RPL12: variants seen among roughly 807,000 people sequenced by gnomAD.
RPL12 encodes large ribosomal subunit protein uL11.
Under a neutral mutation model 24.5 loss-of-function variants are expected in RPL12, and 10 were observed. The ratio of observed to expected loss-of-function variants is 0.41; its 90% CI spans 0.25 to 0.69. The LOEUF is 0.69. RPL12 is among the 30% of genes least tolerant of loss of function. RPL12 has a pLI of 0.33. For synonymous variants in RPL12, 74 were observed against 76.1 expected (o/e 0.97, Z 0.14); for missense variants, 137 against 205.3 (o/e 0.67, Z 2.03).
intron 1 of RPL12, chr9:127,451,065 C>G (rs921476389): frequency 2.9e-6 from 2 of 689,886 alleles, no homozygotes; most frequent in Non-Finnish European, 4.8e-6. Context: ...GGCGTGCGGG[C>G]TCCCAAGCCG....
At position 127,451,371 on chromosome 9, in the gene RPL12, T is replaced by G; in HGVS notation, c.-54A>C. ...CGGATTCGGGACGACCGAAGGAAGT[T>G]GCACCTTGGCCTCCTCCGAGCCGAA... On this transcript the variant is annotated 5_prime_UTR_variant, in exon 1 of 7. Coordinates refer to ENST00000361436, the MANE Select transcript of RPL12 (RefSeq NM_000976.4). 1 of 1,608,486 alleles carries G rather than the reference T, an allele frequency of 6.2e-7. No homozygotes were observed. The highest frequency in any genetic ancestry group is 1.1e-5 in the South Asian group (1 of 90,756).
chr9:127,447,847 C>G, intron 6 of RPL12, 30 bp downstream of exon 6: 1 of 1,610,544 alleles, frequency 6.2e-7, no homozygotes, highest in Non-Finnish European at 8.5e-7. Flanking sequence ...CCCCTTTCAC[C>G]CCTACTGTAA....
At chr9:127,449,551 C>G in intron 3 of RPL12, 59 bp downstream of exon 3, 2 of 1,487,326 alleles carry the variant, frequency 1.3e-6, no homozygotes, top group South Asian at 2.3e-5. Context: ...TCAGGAATCC[C>G]AGAGGGTTGC....
intron 4 of RPL12, 52 bp downstream of exon 4, chr9:127,449,229 C>A: frequency 2.0e-6 from 3 of 1,477,198 alleles, no homozygotes; most frequent in South Asian, 1.2e-5. Flanking sequence ...CCACATATAT[C>A]AAACATCTCA....
At chr9:127,448,820 G>C (rs1834218633) in intron 4 of RPL12, among the ~76,000 whole-genome samples, 1 of 148,694 alleles carries the variant, frequency 6.7e-6, no homozygotes, top group Admixed American at 6.7e-5. Context: ...CCCACACAGG[G>C]ACTACATGGC....
intron 4 of RPL12, chr9:127,448,754 G>C (rs1406157702): frequency 2.2e-6 from 1 of 454,132 alleles, no homozygotes; most frequent in Non-Finnish European, 4.2e-6. Flanking sequence ...GTGGTCTCCT[G>C]ATTATAGGTC....
chr9:127,449,065 GATCC>G, intron 4 of RPL12: 1 of 477,940 alleles, frequency 2.1e-6, no homozygotes, highest in South Asian at 2.1e-5. Flanking sequence ...GATCTCAACT[GATCC>G]ACCCGCCTCA....
rs1345657451 is a variant in RPL12 at position 127,447,716 on chromosome 9, T to G, written c.*5A>C. 1 of 1,613,786 alleles carries G rather than the reference T, an allele frequency of 6.2e-7. No individual in the cohort carries two copies. On this transcript the variant is annotated 3_prime_UTR_variant, in exon 7 of 7. Transcript: ENST00000361436. ...GATCCTTTATTGAAATGTTTTCCTT[T>G]GTGCTTAACTCTGTGGGAAAGAAAA...
chr9:127,451,326 C>T lies in RPL12; in HGVS notation c.-9G>A, dbSNP rs1834307965. 8 of 1,612,086 alleles carry T rather than the reference C, an allele frequency of 5.0e-6. No individual in the cohort carries two copies. The highest frequency in any genetic ancestry group is 2.2e-5 in the East Asian group (1 of 44,878). ...TCGAACTTCGGCGGCATGGTGGAGG[C>T]GGCTGGTGTCGGATGAACCCGGATT... On this transcript the variant is annotated 5_prime_UTR_variant, in exon 1 of 7. Coordinates refer to ENST00000361436, the MANE Select transcript of RPL12 (RefSeq NM_000976.4).
chr9:127,449,181 C>G, intron 4 of RPL12, 100 bp downstream of exon 4: 1 of 923,734 alleles, frequency 1.1e-6, no homozygotes, highest in Non-Finnish European at 1.7e-6. Context: ...CACCCAATAC[C>G]CATGTCAACC....
chr9:127,449,956 G>T (rs1398431836), intron 2 of RPL12: 2 of 471,852 alleles, frequency 4.2e-6, no homozygotes, highest in Non-Finnish European at 7.8e-6. Context: ...TTAAGGAGGG[G>T]GATTTTCAGC....
At chr9:127,448,746 G>A (rs1000811215) in intron 4 of RPL12, 10 of 484,236 alleles carry the variant, frequency 2.1e-5, no homozygotes, top group Non-Finnish European at 3.1e-5. Context: ...ACCTGTATGT[G>A]GTCTCCTGAT....
Position 127,447,904 on chromosome 9 carries a change from G to A in RPL12, c.465C>T (p.Ile155=). Residue 155 remains isoleucine, a synonymous_variant, in exon 6 of 7, where the codon ATC becomes ATT. Transcript: ENST00000361436. ...GRHPHDIIDD[I]NSGAVECPAS ...CTGGGCATTCCACAGCACCACTGTTGATGTCATCGATGATGTCATGAGGAT... is the reference window on the plus strand; with the variant it reads ...CTGGGCATTCCACAGCACCACTGTTAATGTCATCGATGATGTCATGAGGAT... 1 of 1,613,626 alleles carries A rather than the reference G, an allele frequency of 6.2e-7. No homozygotes were observed. The highest frequency in any genetic ancestry group is 8.5e-7 in the Non-Finnish European group (1 of 1,179,854).
chr9:127,449,967 C>A, intron 2 of RPL12: 1 of 452,840 alleles, frequency 2.2e-6, no homozygotes, highest in Non-Finnish European at 4.1e-6. Flanking sequence ...GATTTTCAGC[C>A]CTGCTGACAT....
At chr9:127,451,135 G>T in intron 1 of RPL12, 146 bp downstream of exon 1, 1 of 1,119,374 alleles carries the variant, frequency 8.9e-7, no homozygotes, top group Non-Finnish European at 1.3e-6. Flanking sequence ...GCCCAGAAAG[G>T]CTGAGGCTTG....
intron 1 of RPL12, 93 bp from the exon 2 acceptor site, chr9:127,450,897 C>A: frequency 2.0e-6 from 2 of 991,636 alleles, no homozygotes; most frequent in South Asian, 1.5e-5. Context: ...CCACCCTCTG[C>A]CTCTTCTCGA....
Position 127,447,698 on chromosome 9 carries a change from T to C in RPL12, c.*23A>G, listed in dbSNP as rs767885616. The C allele has an allele frequency of 2.5e-6, 4 of 1,613,318 alleles. No homozygotes were observed. Among genetic ancestry groups the C allele is most frequent in the Non-Finnish European group, 3.4e-6 (4 of 1,179,756 alleles). On this transcript the variant is annotated 3_prime_UTR_variant, in exon 7 of 7. Transcript: ENST00000361436. ...ATCCACCAGTTGTCAAATGATCCTT[T>C]ATTGAAATGTTTTCCTTTGTGCTTA...
chr9:127,449,722 C>A lies in RPL12; in HGVS notation c.112-14G>T, dbSNP rs752836939. 2.5e-6 allele frequency: 4 copies of A among 1,601,592 alleles called. No individual in the cohort carries two copies. Among genetic ancestry groups the A allele is most frequent in the Admixed American group, 3.3e-5 (2 of 59,970 alleles). On this transcript the variant is annotated splice_polypyrimidine_tract_variant and intron_variant, in intron 2 of 6. Coordinates refer to ENST00000361436, the MANE Select transcript of RPL12 (RefSeq NM_000976.4). ...TTTTTTTGGAGACTAGAAATAAAGGCATGTAATCAACATGGTGTCCAGAGG... is the reference window on the plus strand; with the variant it reads ...TTTTTTTGGAGACTAGAAATAAAGGAATGTAATCAACATGGTGTCCAGAGG...
chr9:127,448,613 G>T (rs1464395180), intron 4 of RPL12, 190 bp from the exon 5 acceptor site: 1 of 756,430 alleles, frequency 1.3e-6, no homozygotes, highest in African/African-American at 1.7e-5. Flanking sequence ...CAGAGACCTG[G>T]TCAGGTGCAG....
Sources: gnomAD v4.1 joint callset for allele counts (sites outside exome capture counted in the v4.1 genomes callset) on GRCh38, gnomAD v4.1.1 for gene constraint, MANE v1.5 for transcripts, NCBI Gene and HGNC (gene_info 2026-07-23, HGNC 2026-07-21) for gene names.